The following PSME3 variants were observed in gnomAD, a reference collection of about 807,000 sequenced individuals.
The protein encoded by PSME3 is proteasome activator complex subunit 3.
PSME3 carries 7 observed loss-of-function variants against 38.3 expected under a neutral mutation model. The ratio of observed to expected loss-of-function variants is 0.18; its 90% CI spans 0.10 to 0.34. The LOEUF (loss-of-function observed/expected upper bound fraction) is 0.34, where lower values mean the gene tolerates loss of function less well. PSME3 is among the 10% of genes least tolerant of loss of function. The pLI, the probability that PSME3 is intolerant of heterozygous loss-of-function variation, is 1.00. For synonymous variants in PSME3, 108 were observed against 105.7 expected (o/e 1.02, Z -0.13); for missense variants, 192 against 307.6 (o/e 0.62, Z 2.81).
chr17:42,834,642 G>T, intron 3 of PSME3, 65 bp downstream of exon 3: 1 of 1,604,836 alleles, frequency 6.2e-7, no homozygotes, highest in Admixed American at 1.7e-5. Flanking sequence ...CTGTCAACTG[G>T]GATAAACTGT....
In PSME3 at chr17:42,838,936, T is replaced by G; in HGVS notation, c.475-9T>G. On this transcript the variant is annotated splice_polypyrimidine_tract_variant and intron_variant, in intron 7 of 10. Transcript: ENST00000590720. ...GGCTTTTGATGCACCTGTTGTTTGT[T>G]TGTTTTAGGAGGAAACAGTTGCAGA... 1 of 1,614,086 alleles carries G rather than the reference T, an allele frequency of 6.2e-7. No homozygotes were observed. Among genetic ancestry groups the G allele is most frequent in the Non-Finnish European group, 8.5e-7 (1 of 1,180,000 alleles).
rs377275510 is a variant in PSME3 at position 42,838,117 on chromosome 17, A to G, written c.317A>G (p.Asn106Ser). The G allele has an allele frequency of 3.0e-5, 49 of 1,614,000 alleles. No individual in the cohort carries two copies. The highest frequency in any genetic ancestry group is 8.3e-5 in the Admixed American group (5 of 59,998). Reference sequence around the variant, plus strand: ...GGAACCAAGGTGTTTGTGATGCCCAATGGGATGCTGAAAAGCAACCAGCAG... The same window carrying G: ...GGAACCAAGGTGTTTGTGATGCCCAGTGGGATGCTGAAAAGCAACCAGCAG... ...FQGTKVFVMPNGMLKSNQQLV... is the reference protein window; with the variant it reads ...FQGTKVFVMPSGMLKSNQQLV... Residue 106 changes from asparagine to serine, a missense_variant, in exon 6 of 11, where the codon AAT becomes AGT. Physicochemically the swap from Asn to Ser is conservative, Grantham distance 46. Coordinates refer to ENST00000590720, the MANE Select transcript of PSME3 (RefSeq NM_005789.4).
At chr17:42,838,303 A>G in intron 6 of PSME3, 98 bp downstream of exon 6, 1 of 1,522,842 alleles carries the variant, frequency 6.6e-7, no homozygotes, top group South Asian at 1.3e-5. Flanking sequence ...TTGGCAGACT[A>G]GGTTTTTTTG....
chr17:42,834,371 A>G lies in PSME3; in HGVS notation c.70A>G (p.Ser24Gly), dbSNP rs2055436255. The G allele has an allele frequency of 6.2e-7, 1 of 1,613,982 alleles. No individual in the cohort carries two copies. The highest frequency in any genetic ancestry group is 2.2e-5 in the East Asian group (1 of 44,872). Residue 24 changes from serine (S) to glycine (G), a missense_variant, in exon 2 of 11, where the codon AGT (serine) becomes GGT (glycine). This residue lies in a region of PSME3 where 110 missense variants were observed against 139.3 expected (regional missense o/e 0.79). Transcript: ENST00000590720. The part of the protein sequence containing the change: ...KVDSFRERIT[S>G]EAEDLVANFF... The stretch of plus-strand genomic sequence containing the variant: ...TGATTCTTTCAGGGAGCGGATCACA[A>G]GTGAGGTGAGTGAAATAAATAGAAA...
At chr17:42,837,768 C>A in intron 5 of PSME3, 71 bp downstream of exon 5, 1 of 1,512,624 alleles carries the variant, frequency 6.6e-7, no homozygotes, top group Non-Finnish European at 9.2e-7. Flanking sequence ...CAGGATGGAT[C>A]TAGTGTTCTC....
Position 42,838,805 on chromosome 17 carries a change from GTACTTGAATTACA to G in PSME3, c.474+11_474+23del. The G allele has an allele frequency of 6.3e-7, 1 of 1,587,126 alleles. No individual in the cohort carries two copies. The highest frequency in any genetic ancestry group is 8.7e-7 in the Non-Finnish European group (1 of 1,155,554). On this transcript the variant is annotated splice_region_variant and intron_variant, in intron 7 of 10. Coordinates refer to ENST00000590720, the MANE Select transcript of PSME3 (RefSeq NM_005789.4). ...ACTTTGGGGTGTCCATTCAGGTAAT[GTACTTGAATTACA>G]TACTGGGAAGAGTGGCTTGGGAGAT...
At chr17:42,840,634 T>G (rs1276505257) in intron 10 of PSME3, among the ~76,000 whole-genome samples, 1 of 151,832 alleles carries the variant, frequency 6.6e-6, no homozygotes, top group Non-Finnish European at 1.5e-5. Context: ...AACTGAAGAG[T>G]ACCTACTGCA....
intron 5 of PSME3, 23 bp downstream of exon 5, chr17:42,837,720 C>T: frequency 6.2e-7 from 1 of 1,609,752 alleles, no homozygotes. Context: ...CTTACCTCAC[C>T]TCCCCTCACC....
At chr17:42,836,794 T>G (rs1052397065) in intron 4 of PSME3, among the ~76,000 whole-genome samples, 1 of 151,934 alleles carries the variant, frequency 6.6e-6, no homozygotes, top group Non-Finnish European at 1.5e-5. Context: ...GCTCCTGAGC[T>G]CAAGCGATCT....
intron 7 of PSME3, 53 bp from the exon 8 acceptor site, chr17:42,838,892 C>T (rs1250243147): frequency 6.2e-7 from 1 of 1,604,536 alleles, no homozygotes; most frequent in African/African-American, 1.3e-5. Flanking sequence ...TTTGGGGCTG[C>T]TGTGGATGAC....
intron 3 of PSME3, 74 bp downstream of exon 3, chr17:42,834,651 G>C: frequency 6.2e-7 from 1 of 1,602,112 alleles, no homozygotes; most frequent in Non-Finnish European, 8.5e-7. Flanking sequence ...GGGATAAACT[G>C]TTGATTCTTC....
chr17:42,840,915 C>T (rs923203100), intron 10 of PSME3, among the ~76,000 whole-genome samples: 1 of 151,792 alleles, frequency 6.6e-6, no homozygotes, highest in African/African-American at 2.4e-5. Context: ...GGGCGGATCA[C>T]GAGGTCAGGA....
chr17:42,838,103 G>T lies in PSME3; in HGVS notation c.303G>T (p.Val101=). 4 of 1,614,160 alleles carry T rather than the reference G, an allele frequency of 2.5e-6. No homozygotes were observed. Among genetic ancestry groups the T allele is most frequent in the Non-Finnish European group, 3.4e-6 (4 of 1,180,026 alleles). ...TCACATCTCTGCCAGGAACCAAGGT[G>T]TTTGTGATGCCCAATGGGATGCTGA... The part of the protein sequence containing the change: ...ECEEAFQGTK[V]FVMPNGMLKS... Residue 101 remains valine (V), a synonymous_variant, in exon 6 of 11, where the codon GTG becomes GTT. Coordinates refer to ENST00000590720, the MANE Select transcript of PSME3 (RefSeq NM_005789.4).
intron 10 of PSME3, among the ~76,000 whole-genome samples, chr17:42,841,132 CA>C (rs35142424): frequency 0.05 from 3,188 of 63,772 alleles, 37 homozygotes; most frequent in African/African-American, 0.08. Context: ...GACCGTGTCT[CA>C]AAAAAAAAAA....
In PSME3 at chr17:42,838,177, T is replaced by C; in HGVS notation, c.377T>C (p.Ile126Thr). The C allele has an allele frequency of 6.2e-7, 1 of 1,614,036 alleles. No homozygotes were observed. Among genetic ancestry groups the C allele is most frequent in the Non-Finnish European group, 8.5e-7 (1 of 1,180,020 alleles). The part of the protein sequence containing the change: ...VDIIEKVKPE[I>T]RLLIEKCNTV... Reference sequence around the variant, plus strand: ...ATTATTGAGAAAGTGAAACCTGAGATCCGGCTGTTGATTGAGAAATGTAAC... The same window carrying C: ...ATTATTGAGAAAGTGAAACCTGAGACCCGGCTGTTGATTGAGAAATGTAAC... Residue 126 changes from isoleucine to threonine, a missense_variant, in exon 6 of 11, where the codon ATC (isoleucine) becomes ACC (threonine). Transcript: ENST00000590720.
In PSME3 at chr17:42,837,867, G is replaced by C. The variant is rs560075098; in HGVS notation, c.292+170G>C. 5 of 897,892 alleles carry C rather than the reference G, an allele frequency of 5.6e-6. No individual in the cohort carries two copies. In the African/African-American group the frequency reaches 8.4e-5, roughly 15 times the overall value. 55.6% of individuals were successfully genotyped at this position (897,892 alleles called of 1,614,324 possible). A position where few individuals can be genotyped will look rare whatever the true frequency, so the allele number is the denominator to read the frequency against. Reference sequence around the variant, plus strand: ...GCTTGTTATTGAGTGCTCTAAACCTGGTTTTCCAATAAACAGAGGATTTAA... The same window carrying C: ...GCTTGTTATTGAGTGCTCTAAACCTCGTTTTCCAATAAACAGAGGATTTAA... On this transcript the variant is annotated intron_variant, in intron 5 of 10. Transcript: ENST00000590720.
At chr17:42,837,164 C>T (rs2055473603) in intron 4 of PSME3, among the ~76,000 whole-genome samples, 1 of 152,174 alleles carries the variant, frequency 6.6e-6, no homozygotes, top group South Asian at 2.1e-4. Flanking sequence ...CAGTTCTCTG[C>T]ATCAGCCTCC....
intron 10 of PSME3, among the ~76,000 whole-genome samples, chr17:42,841,112 G>A (rs1323811639): frequency 7.2e-6 from 1 of 139,506 alleles, no homozygotes; most frequent in Non-Finnish European, 1.5e-5. Context: ...CAGCCTGAGC[G>A]ATAGAGCAAG....
intron 10 of PSME3, 25 bp from the exon 11 acceptor site, chr17:42,841,473 A>T (rs751664848): frequency 1.7e-5 from 26 of 1,500,962 alleles, no homozygotes; most frequent in Non-Finnish European, 2.2e-5. Flanking sequence ...CAGATATGTG[A>T]TTCCCCTGAT....
Sources: gnomAD v4.1 joint callset for allele counts (sites outside exome capture counted in the v4.1 genomes callset) on GRCh38, gnomAD v4.1.1 for gene constraint, gnomAD v4.1.1 regional missense constraint, MANE v1.5 for transcripts, NCBI Gene and HGNC (gene_info 2026-07-23, HGNC 2026-07-21) for gene names.